CLTA: variants seen among roughly 807,000 people sequenced by gnomAD.
The protein encoded by CLTA is clathrin light chain A.
A neutral mutation model predicts 26.9 loss-of-function variants in CLTA; 9 were observed. The observed-to-expected ratio is 0.33, with a 90% CI of 0.20 to 0.58. The LOEUF is 0.58. Among genes scored for constraint, CLTA ranks in the 20% least tolerant of loss-of-function variants. The pLI, the probability that CLTA is intolerant of heterozygous loss-of-function variation, is 0.85. For missense variants in CLTA, 278 were observed against 294.2 expected, an observed-to-expected ratio of 0.94 and a Z score of 0.40; for synonymous variants, 120 against 115.5, an observed-to-expected ratio of 1.04 and a Z score of -0.25.
At position 36,197,541 on chromosome 9, in the gene CLTA, T is replaced by C. The variant is rs1410564825; in HGVS notation, c.218-10T>C. The C allele has an allele frequency of 1.2e-6, 2 of 1,609,958 alleles. No homozygotes were observed. The highest frequency in any genetic ancestry group is 8.5e-7 in the Non-Finnish European group (1 of 1,176,810). On this transcript the variant is annotated splice_polypyrimidine_tract_variant and intron_variant, in intron 1 of 4. Transcript: ENST00000345519. ...TCCTTATTGATAGACCAAAATCTTA[T>C]GTCTTGCAGATGCTGTTGATGGAGT...
chr9:36,209,365 A>G (rs1466218355), intron 4 of CLTA: 3 of 1,449,012 alleles, frequency 2.1e-6, no homozygotes, highest in Non-Finnish European at 2.9e-6. Context: ...GATTCTTTCT[A>G]CTTTTGTTTA....
rs900210699 is a variant in CLTA at position 36,196,056 on chromosome 9, G to A, written c.218-1495G>A. ...TTTGGGAGGCTGAGGTGGGTGGATC[G>A]TCTGAGGTCAGGAGTTCGAGACCAT... On this transcript the variant is annotated intron_variant, in intron 1 of 4. Transcript: ENST00000345519. Among the ~76,000 whole-genome samples, 10 of 151,882 alleles carry A rather than the reference G, an allele frequency of 6.6e-5. No homozygotes were observed. The South Asian group carries it at 1.2e-3, about 19-fold the overall frequency.
intron 4 of CLTA, among the ~76,000 whole-genome samples, chr9:36,210,957 G>T (rs1828007991): frequency 6.6e-6 from 1 of 152,248 alleles, no homozygotes. Flanking sequence ...CTGCCAAAAA[G>T]CAACTCACGT....
In CLTA at chr9:36,190,921, C is replaced by A; in HGVS notation, c.-136C>A. The A allele has an allele frequency of 1.0e-5, 14 of 1,390,284 alleles. No individual in the cohort carries two copies. The highest frequency in any genetic ancestry group is 1.3e-5 in the Non-Finnish European group (14 of 1,070,256). The allele number at this position is 1,390,284 out of a possible 1,614,324, so 86.1% of individuals were successfully genotyped here. On this transcript the variant is annotated 5_prime_UTR_variant, in exon 1 of 5. Coordinates refer to ENST00000345519, the MANE Select transcript of CLTA (RefSeq NM_001833.4). ...CCGACCGGATACACGGGTAGGGCTT[C>A]CGCTTTACCCGTCTCCCTCCTGGCG...
intron 4 of CLTA, chr9:36,209,429 AT>A: frequency 1.1e-6 from 1 of 892,986 alleles, no homozygotes; most frequent in East Asian, 2.5e-5. Flanking sequence ...ATTATTTCAA[AT>A]TGGCACTTTG....
intron 1 of CLTA, among the ~76,000 whole-genome samples, chr9:36,195,646 G>A (rs988603414): frequency 5.3e-5 from 8 of 152,184 alleles, no homozygotes; most frequent in African/African-American, 1.9e-4. Flanking sequence ...ATAGGAACAA[G>A]TGGGTAGAAT....
rs998189645 is a variant in CLTA at position 36,194,271 on chromosome 9, C to T, written c.217+2998C>T. On this transcript the variant is annotated intron_variant, in intron 1 of 4. Transcript: ENST00000345519. ...GAAACTCCTGACCTCAGGTGAGCCA[C>T]CCGCCTTGGCCTCCCAAAGTGCTGG... Among the ~76,000 whole-genome samples the T allele has an allele frequency of 5.5e-4, 83 of 152,202 alleles. 3 individuals carry two copies. The highest frequency in any genetic ancestry group is 4.6e-3 in the Admixed American group (70 of 15,280).
intron 3 of CLTA, among the ~76,000 whole-genome samples, chr9:36,200,215 G>A (rs1468699791): frequency 6.6e-6 from 1 of 151,968 alleles, no homozygotes; most frequent in East Asian, 1.9e-4. Flanking sequence ...TTAATCAGCT[G>A]ACTTTAAGAT....
At chr9:36,197,678 G>A in intron 2 of CLTA, 90 bp downstream of exon 2, 1 of 958,948 alleles carries the variant, frequency 1.0e-6, no homozygotes, top group Middle Eastern at 2.4e-4. Context: ...AGAAACCCCA[G>A]TCCTTTGACT....
At chr9:36,201,588 T>C (rs1827406352) in intron 3 of CLTA, among the ~76,000 whole-genome samples, 1 of 152,216 alleles carries the variant, frequency 6.6e-6, no homozygotes, top group Non-Finnish European at 1.5e-5. Context: ...ATTTTATATT[T>C]TAGTCCTAAT....
intron 4 of CLTA, among the ~76,000 whole-genome samples, chr9:36,209,062 A>G (rs1196369356): frequency 6.6e-6 from 1 of 152,234 alleles, no homozygotes; most frequent in African/African-American, 2.4e-5. Context: ...GTCGTGGAGC[A>G]GTCCCCACGT....
intron 4 of CLTA, among the ~76,000 whole-genome samples, chr9:36,209,602 C>T (rs916624313): frequency 2.0e-5 from 3 of 152,084 alleles, no homozygotes; most frequent in Non-Finnish European, 2.9e-5. Context: ...TATCTGGGAA[C>T]GGTTTGAGGC....
chr9:36,205,319 G>C (rs1587238227), intron 4 of CLTA, among the ~76,000 whole-genome samples: 1 of 152,300 alleles, frequency 6.6e-6, no homozygotes, highest in East Asian at 1.9e-4. Flanking sequence ...TGGTGTGCAG[G>C]CTGGGTTGCC....
intron 4 of CLTA, among the ~76,000 whole-genome samples, chr9:36,211,029 A>G (rs759385340): frequency 1.3e-5 from 2 of 152,320 alleles, no homozygotes; most frequent in Middle Eastern, 3.4e-3. Context: ...GAAAATGGCA[A>G]ACTTTTGGCT....
chr9:36,211,191 T>C (rs189007094), intron 4 of CLTA, among the ~76,000 whole-genome samples: 1 of 152,372 alleles, frequency 6.6e-6, no homozygotes, highest in African/African-American at 2.4e-5. Flanking sequence ...CAATGATCTG[T>C]GGGCTTTTTA....
chr9:36,201,936 A>C (rs1827437827), intron 3 of CLTA, among the ~76,000 whole-genome samples: 1 of 150,962 alleles, frequency 6.6e-6, no homozygotes, highest in Admixed American at 6.6e-5. Flanking sequence ...CCATAGTGAG[A>C]CCCTATCTCT....
intron 1 of CLTA, among the ~76,000 whole-genome samples, chr9:36,197,346 G>GC (rs1400887437): frequency 1.3e-5 from 2 of 152,192 alleles, no homozygotes; most frequent in African/African-American, 4.8e-5. Context: ...GGACTTGGGA[G>GC]CTTAAGGACA....
intron 2 of CLTA, among the ~76,000 whole-genome samples, chr9:36,198,718 AAAG>A (rs1467018652): frequency 6.6e-6 from 1 of 150,940 alleles, no homozygotes; most frequent in Non-Finnish European, 1.5e-5. Context: ...AAAAAAAAAA[AAAG>A]CAACCACATA....
rs1827123941 is a variant in CLTA at position 36,197,485 on chromosome 9, T to C, written c.218-66T>C. On this transcript the variant is annotated intron_variant, in intron 1 of 4. Coordinates refer to ENST00000345519, the MANE Select transcript of CLTA (RefSeq NM_001833.4). Reference sequence around the variant, plus strand: ...TACAGCATATGATGCTGTATTCTACTGTACAACCCTTTGGCCCAGTGTTTG... The same window carrying C: ...TACAGCATATGATGCTGTATTCTACCGTACAACCCTTTGGCCCAGTGTTTG... 6.4e-6 allele frequency: 7 copies of C among 1,092,604 alleles called. No homozygotes were observed. In the South Asian group the frequency reaches 7.8e-5, roughly 12 times the overall value. 67.7% of individuals were successfully genotyped at this position (1,092,604 alleles called of 1,614,324 possible).
Sources: gnomAD v4.1 joint callset for allele counts (sites outside exome capture counted in the v4.1 genomes callset) on GRCh38, gnomAD v4.1.1 for gene constraint, MANE v1.5 for transcripts, NCBI Gene and HGNC (gene_info 2026-07-23, HGNC 2026-07-21) for gene names.